The following MICAL3 variants were observed in gnomAD, a reference collection of about 807,000 sequenced individuals.
MICAL3 encodes [F-actin]-monooxygenase MICAL3.
Under a neutral mutation model 207.4 loss-of-function variants are expected in MICAL3, and 62 were observed. The ratio of observed to expected loss-of-function variants is 0.30; its 90% CI spans 0.24 to 0.37. The LOEUF (loss-of-function observed/expected upper bound fraction) is 0.37. MICAL3 is among the 10% of genes least tolerant of loss of function. The pLI, the probability that MICAL3 is intolerant of heterozygous loss-of-function variation, is 1.00. For missense variants in MICAL3, 2,368 were observed against 2,635.6 expected, an observed-to-expected ratio of 0.90 and a Z score of 2.22; for synonymous variants, 1,077 against 1,069.3, an observed-to-expected ratio of 1.01 and a Z score of -0.14.
At chr22:17,953,561 A>G (rs1440441466) in intron 1 of MICAL3, among the ~76,000 whole-genome samples, 1 of 152,116 alleles carries the variant, frequency 6.6e-6, no homozygotes, top group Non-Finnish European at 1.5e-5. Flanking sequence ...CATGGGGGCT[A>G]TAGGGGACAT....
intron 1 of MICAL3, among the ~76,000 whole-genome samples, chr22:17,982,737 T>A (rs55667847): frequency 3.0e-4 from 31 of 103,580 alleles, no homozygotes; most frequent in African/African-American, 1.3e-3. Flanking sequence ...AACATAAAAA[T>A]AAAATAAAAT....
chr22:17,935,374 A>G (rs187083183), intron 1 of MICAL3, among the ~76,000 whole-genome samples: 3 of 152,388 alleles, frequency 2.0e-5, no homozygotes, highest in African/African-American at 7.2e-5. Context: ...CTGGCTAGCC[A>G]TATGCAGAAA....
intron 1 of MICAL3, among the ~76,000 whole-genome samples, chr22:17,955,572 A>G (rs181597287): frequency 2.6e-5 from 4 of 152,342 alleles, no homozygotes; most frequent in Non-Finnish European, 4.4e-5. Context: ...ACCACTGAAA[A>G]GCCAAGAGAT....
intron 1 of MICAL3, among the ~76,000 whole-genome samples, chr22:17,911,059 T>A (rs1354814240): frequency 1.3e-5 from 2 of 152,138 alleles, no homozygotes; most frequent in Non-Finnish European, 2.9e-5. Flanking sequence ...TTTCCAGGCA[T>A]CTGTGAGTCT....
At chr22:17,916,394 T>A (rs1932518907) in intron 1 of MICAL3, among the ~76,000 whole-genome samples, 1 of 152,166 alleles carries the variant, frequency 6.6e-6, no homozygotes, top group Non-Finnish European at 1.5e-5. Context: ...GACACGTCTT[T>A]CAACACCCAG....
In MICAL3 at chr22:17,841,908, T is replaced by A. The variant is rs1184678023; in HGVS notation, c.2715A>T (p.Ala905=). The A allele has an allele frequency of 6.3e-7, 1 of 1,590,006 alleles. No homozygotes were observed. The highest frequency in any genetic ancestry group is 1.1e-5 in the South Asian group (1 of 87,406). ...GAGTCTCCTCCGGTACCTCCTGCAGTGCCTCAGCCTGCCTCAGGGACAGGC... is the reference window on the plus strand; with the variant it reads ...GAGTCTCCTCCGGTACCTCCTGCAGAGCCTCAGCCTGCCTCAGGGACAGGC... The part of the protein sequence containing the change: ...NYRLSLRQAE[A]LQEVPEETQA... The change falls in exon 20 of 32, where the codon GCA becomes GCT. Residue 905 remains alanine, a synonymous_variant. Coordinates refer to ENST00000441493, the MANE Select transcript of MICAL3 (RefSeq NM_015241.3). This position sits in a 1 kb window ranked among gnomAD's most constrained non-coding sequence, Gnocchi z 4.2.
At chr22:17,864,508 C>A (rs2146138688) in intron 19 of MICAL3, 1 of 1,432,658 alleles carries the variant, frequency 7.0e-7, no homozygotes, top group Non-Finnish European at 9.1e-7. Flanking sequence ...GCCTTGGCCT[C>A]ACCAGGGCGG....
At position 17,827,690 on chromosome 22, in the gene MICAL3, C is replaced by T. The variant is rs1922349438; in HGVS notation, c.3147G>A (p.Glu1049=). 4 of 1,582,924 alleles carry T rather than the reference C, an allele frequency of 2.5e-6. No individual in the cohort carries two copies. In the South Asian group the frequency reaches 4.6e-5, roughly 18 times the overall value. Residue 1049 remains glutamate (E), a synonymous_variant, in exon 22 of 32, where the codon GAG becomes GAA. Coordinates refer to ENST00000441493, the MANE Select transcript of MICAL3 (RefSeq NM_015241.3). ...AGGCCGGCGCCATCCTCTCTTCCTCCTCTCTCTCACGGATATGAGTCCAGT... is the reference window on the plus strand; with the variant it reads ...AGGCCGGCGCCATCCTCTCTTCCTCTTCTCTCTCACGGATATGAGTCCAGT... ...DVHWTHIRER[E]EEERMAPASE...
At chr22:17,816,916 C>A (rs1921052657) in intron 26 of MICAL3, 132 bp from the exon 27 acceptor site, 1 of 722,978 alleles carries the variant, frequency 1.4e-6, no homozygotes, top group African/African-American at 1.8e-5. Context: ...AGGGATCCAT[C>A]CCCCATCCTG....
chr22:17,992,325 G>A (rs1921772646), intron 1 of MICAL3, among the ~76,000 whole-genome samples: 1 of 152,180 alleles, frequency 6.6e-6, no homozygotes, highest in Non-Finnish European at 1.5e-5. Context: ...ACAGGGGGTA[G>A]GCAAATTCTA....
chr22:17,836,656 T>C (rs1249713666), intron 20 of MICAL3, among the ~76,000 whole-genome samples: 1 of 151,546 alleles, frequency 6.6e-6, no homozygotes, highest in East Asian at 1.9e-4. Flanking sequence ...GGTTTTTTTT[T>C]TTTTTTGAGA....
intron 1 of MICAL3, chr22:18,000,974 G>A (rs1394460743): frequency 2.4e-5 from 3 of 123,188 alleles, no homozygotes; most frequent in Non-Finnish European, 5.1e-5. Flanking sequence ...AGCACCCCCC[G>A]ACCCCGCACC....
intron 17 of MICAL3, among the ~76,000 whole-genome samples, chr22:17,866,291 G>A (rs1927103070): frequency 6.6e-6 from 1 of 152,246 alleles, no homozygotes; most frequent in Admixed American, 6.5e-5. Flanking sequence ...GCAAAGATGT[G>A]AGGCCTGTGT....
At chr22:17,833,658 C>T (rs553945831) in intron 20 of MICAL3, among the ~76,000 whole-genome samples, 131 of 152,298 alleles carry the variant, frequency 8.6e-4, no homozygotes, top group African/African-American at 3.1e-3. Context: ...CACTGTTTGC[C>T]GGAGACCCCG....
Position 17,790,912 on chromosome 22 carries a change from G to A in MICAL3, c.5829C>T (p.His1943=). The change falls in exon 32 of 32, where the codon CAC becomes CAT. Residue 1943 remains histidine, a synonymous_variant. Coordinates refer to ENST00000441493, the MANE Select transcript of MICAL3 (RefSeq NM_015241.3). ...CTGACAGCTCCTCCTCAGTCTTAAG[G>A]TGATCTTGAAGGAGAAGAAGGCATG... ...ELRERMAVED[H]LKTEEELSEE... is the part of the protein sequence containing the mutation. The A allele has an allele frequency of 3.1e-6, 5 of 1,613,706 alleles. No individual in the cohort carries two copies. The highest frequency in any genetic ancestry group is 2.5e-6 in the Non-Finnish European group (3 of 1,179,888).
At chr22:17,985,516 G>C (rs1920969754) in intron 1 of MICAL3, among the ~76,000 whole-genome samples, 1 of 152,148 alleles carries the variant, frequency 6.6e-6, no homozygotes, top group Non-Finnish European at 1.5e-5. Context: ...TCTGTCACTG[G>C]TCCTCCTACA....
chr22:17,884,275 C>T (rs762937610), intron 16 of MICAL3: 2 of 1,587,470 alleles, frequency 1.3e-6, no homozygotes, highest in South Asian at 2.3e-5. Flanking sequence ...GTTCCTTTAC[C>T]TGTTTCCACC....
intron 16 of MICAL3, among the ~76,000 whole-genome samples, chr22:17,880,317 TACTGTGAGA>T (rs1929303850): frequency 6.6e-6 from 1 of 152,200 alleles, no homozygotes; most frequent in Non-Finnish European, 1.5e-5. Flanking sequence ...CTCACAGGGT[TACTGTGAGA>T]ACTGACGGAG....
At chr22:17,944,112 A>ATG (rs67560518) in intron 1 of MICAL3, among the ~76,000 whole-genome samples, 4 of 152,078 alleles carry the variant, frequency 2.6e-5, no homozygotes, top group South Asian at 2.1e-4. Flanking sequence ...ACCTGAGTGC[A>ATG]TGTGTGTGTG....
Sources: gnomAD v4.1 joint callset for allele counts (sites outside exome capture counted in the v4.1 genomes callset) on GRCh38, gnomAD v4.1.1 for gene constraint, Gnocchi (gnomAD v3.1) non-coding constraint, MANE v1.5 for transcripts, NCBI Gene and HGNC (gene_info 2026-07-23, HGNC 2026-07-21) for gene names.